Variants in SNX29 observed in about 807,000 individuals in gnomAD.
SNX29 encodes sorting nexin-29.
In SNX29, 78 loss-of-function variants were observed where a neutral mutation model predicts 102.1. That is an observed-to-expected ratio of 0.76 (90% confidence interval 0.64 to 0.92). The LOEUF (loss-of-function observed/expected upper bound fraction) is 0.92. SNX29 is among the 40% of genes least tolerant of loss of function. The pLI is 0.00. For synonymous variants in SNX29, 580 were observed against 414.5 expected (o/e 1.40, Z -4.85); for missense variants, 1,280 against 1,061.7 (o/e 1.21, Z -2.86).
At chr16:12,177,096 C>T (rs566631955) in intron 13 of SNX29, among the ~76,000 whole-genome samples, 1 of 152,204 alleles carries the variant, frequency 6.6e-6, no homozygotes, top group Non-Finnish European at 1.5e-5. Flanking sequence ...TAGAGGTACA[C>T]ACCACTACAC....
At chr16:12,115,461 G>C (rs1195208750) in intron 11 of SNX29, among the ~76,000 whole-genome samples, 1 of 150,190 alleles carries the variant, frequency 6.7e-6, no homozygotes, top group African/African-American at 2.5e-5. Flanking sequence ...CCCAGGCCTT[G>C]CCCCTGGGTT....
At chr16:12,298,239 C>A (rs1288220612) in intron 15 of SNX29, among the ~76,000 whole-genome samples, 1 of 152,074 alleles carries the variant, frequency 6.6e-6, no homozygotes, top group African/African-American at 2.4e-5. Flanking sequence ...ATTCAATGCT[C>A]AGTGAATAAC....
intron 18 of SNX29, among the ~76,000 whole-genome samples, chr16:12,468,797 G>T (rs2087198739): frequency 6.6e-6 from 1 of 152,148 alleles, no homozygotes; most frequent in African/African-American, 2.4e-5. Context: ...AATTGAGGAG[G>T]GTCTTGAAGG....
At chr16:12,346,403 TGACATTTGCATC>T (rs1208587935) in intron 15 of SNX29, among the ~76,000 whole-genome samples, 1 of 152,216 alleles carries the variant, frequency 6.6e-6, no homozygotes, top group Admixed American at 6.5e-5. Flanking sequence ...AAAAGCCCTT[TGACATTTGCATC>T]GTTGTTAATG....
chr16:12,242,367 ATTTTT>A (rs869193950), intron 14 of SNX29, among the ~76,000 whole-genome samples: 1 of 141,602 alleles, frequency 7.1e-6, no homozygotes, highest in East Asian at 2.0e-4. Context: ...ATATATATAT[ATTTTT>A]TTTTTTTTTT....
intron 18 of SNX29, among the ~76,000 whole-genome samples, chr16:12,425,531 A>T (rs1212942283): frequency 1.6e-5 from 1 of 63,900 alleles, no homozygotes; most frequent in Admixed American, 1.3e-4. Flanking sequence ...ACCAGAGTTA[A>T]AAAAAAAAAA....
intron 15 of SNX29, among the ~76,000 whole-genome samples, chr16:12,354,954 T>C (rs915233631): frequency 2.0e-5 from 3 of 152,198 alleles, no homozygotes; most frequent in African/African-American, 7.2e-5. Flanking sequence ...TCACACTGGT[T>C]TGAAAGCGTC....
At chr16:12,311,895 T>A (rs1207296908) in intron 15 of SNX29, among the ~76,000 whole-genome samples, 2 of 152,188 alleles carry the variant, frequency 1.3e-5, no homozygotes, top group East Asian at 3.8e-4. Context: ...TCTCTATCTT[T>A]GCATAAAAGT....
In SNX29 at chr16:12,568,892, C is replaced by G. The variant is rs1266621647; in HGVS notation, c.*263C>G. Reference sequence around the variant, plus strand: ...TTCTGCTTCTGGGGTCTACCCTGGGCTGCAAGGGCTGTTCCTCCACCTTTC... The same window carrying G: ...TTCTGCTTCTGGGGTCTACCCTGGGGTGCAAGGGCTGTTCCTCCACCTTTC... On this transcript the variant is annotated 3_prime_UTR_variant, in exon 21 of 21. Coordinates refer to ENST00000566228, the MANE Select transcript of SNX29 (RefSeq NM_032167.5). The G allele has an allele frequency of 3.9e-6, 2 of 511,534 alleles. No homozygotes were observed. The highest frequency in any genetic ancestry group is 6.8e-6 in the Non-Finnish European group (2 of 294,882). The allele number at this position is 511,534 out of a possible 1,614,324, so 31.7% of individuals were successfully genotyped here.
intron 13 of SNX29, among the ~76,000 whole-genome samples, chr16:12,193,918 A>G (rs921630813): frequency 7.2e-5 from 11 of 152,238 alleles, no homozygotes; most frequent in Admixed American, 5.9e-4. Flanking sequence ...AAATTGGGCA[A>G]TGTGAGTCTT....
intron 20 of SNX29, among the ~76,000 whole-genome samples, chr16:12,534,228 G>A (rs1395389446): frequency 2.6e-5 from 4 of 152,192 alleles, no homozygotes; most frequent in Non-Finnish European, 5.9e-5. Context: ...TGGAGTAATC[G>A]TCGGGCTAGA....
At chr16:12,547,437 G>T (rs981499622) in intron 20 of SNX29, among the ~76,000 whole-genome samples, 1 of 152,166 alleles carries the variant, frequency 6.6e-6, no homozygotes, top group Non-Finnish European at 1.5e-5. Flanking sequence ...CCCGGGGAGA[G>T]GGGATGGTGC....
At chr16:12,518,614 G>T (rs80218580) in intron 19 of SNX29, among the ~76,000 whole-genome samples, 13,010 of 152,200 alleles carry the variant, frequency 0.085, 644 homozygotes, top group Admixed American at 0.15. Flanking sequence ...GCACCTGTGG[G>T]TTCCATCGCA....
At chr16:12,013,500 A>AAAAAAAATATATATATATAT in intron 3 of SNX29, among the ~76,000 whole-genome samples, 5 of 31,610 alleles carry the variant, frequency 1.6e-4, no homozygotes, top group Non-Finnish European at 3.1e-4. Flanking sequence ...AAAAAAAAAA[A>AAAAAAAATATATATATATAT]ATATATATAT....
chr16:12,040,661 T>G (rs1308608399), intron 4 of SNX29, among the ~76,000 whole-genome samples: 2 of 152,192 alleles, frequency 1.3e-5, no homozygotes, highest in African/African-American at 4.8e-5. Context: ...GCCATGCCCT[T>G]AGTAGTAGGG....
intron 20 of SNX29, among the ~76,000 whole-genome samples, chr16:12,559,225 C>G (rs991295691): frequency 2.6e-5 from 4 of 152,070 alleles, no homozygotes; most frequent in Non-Finnish European, 4.4e-5. Context: ...GTATTTACAG[C>G]CACTCCCCAT....
At chr16:12,365,575 G>A (rs2082442203) in intron 16 of SNX29, among the ~76,000 whole-genome samples, 3 of 151,034 alleles carry the variant, frequency 2.0e-5, no homozygotes, top group South Asian at 2.1e-4. Flanking sequence ...CTGTAATCAC[G>A]GCTGCTTGGG....
intron 18 of SNX29, among the ~76,000 whole-genome samples, chr16:12,455,725 C>G (rs1208713322): frequency 6.6e-6 from 1 of 152,226 alleles, no homozygotes. Context: ...ATATGCAGAC[C>G]TTGGTCTTGA....
intron 14 of SNX29, among the ~76,000 whole-genome samples, chr16:12,212,162 G>T (rs1412428780): frequency 6.6e-6 from 1 of 152,200 alleles, no homozygotes; most frequent in Non-Finnish European, 1.5e-5. Flanking sequence ...CAGCCTCTGT[G>T]TGACTGGCTA....
Sources: allele counts gnomAD v4.1 joint callset (sites outside exome capture counted in the v4.1 genomes callset), GRCh38; gene constraint gnomAD v4.1.1; transcripts MANE v1.5; gene names NCBI Gene and HGNC (gene_info 2026-07-23, HGNC 2026-07-21).